TNNI3K: variants seen among roughly 807,000 people sequenced by gnomAD.
TNNI3K encodes the protein TNNI3 interacting kinase.
TNNI3K carries 140 observed loss-of-function variants against 114.5 expected under a neutral mutation model. The observed-to-expected ratio is 1.22, with a 90% CI of 1.07 to 1.41. TNNI3K has a LOEUF of 1.41. TNNI3K is among the 40% of genes most tolerant of loss of function. The pLI is 0.00. For synonymous variants in TNNI3K, 347 were observed against 347.5 expected (o/e 1.00, Z 0.02); for missense variants, 1,125 against 1,007.6 (o/e 1.12, Z -1.58).
intron 23 of TNNI3K, among the ~76,000 whole-genome samples, chr1:74,505,996 G>A (rs931511141): frequency 1.8e-4 from 27 of 152,054 alleles, no homozygotes; most frequent in Non-Finnish European, 2.9e-5. Context: ...ATCACTTTTT[G>A]TTTTTTTGGC....
rs144889249 is a variant in TNNI3K at position 74,486,564 on chromosome 1, G to A, written c.2122-2625G>A. Reference sequence around the variant, plus strand: ...ATGGAGTTTCCATTTACTGAAATGGGAAAGGCTATAAATATAATTAATTGC... The same window carrying A: ...ATGGAGTTTCCATTTACTGAAATGGAAAAGGCTATAAATATAATTAATTGC... On this transcript the variant is annotated intron_variant, in intron 21 of 24. Coordinates refer to ENST00000326637, the MANE Select transcript of TNNI3K (RefSeq NM_015978.3). 9.6e-3 allele frequency among the ~76,000 whole-genome samples: 1,450 copies of A among 150,776 alleles called. 4 individuals carry two copies. The highest frequency in any genetic ancestry group is 0.017 in the Non-Finnish European group (1,123 of 67,842).
intron 4 of TNNI3K, among the ~76,000 whole-genome samples, chr1:74,268,099 C>T (rs771961258): frequency 4.6e-5 from 7 of 151,894 alleles, no homozygotes; most frequent in Non-Finnish European, 1.0e-4. Flanking sequence ...AATATGTAAA[C>T]AATTTGTCAG....
intron 7 of TNNI3K, among the ~76,000 whole-genome samples, chr1:74,341,071 C>A (rs1660724713): frequency 6.6e-6 from 1 of 152,138 alleles, no homozygotes; most frequent in Non-Finnish European, 1.5e-5. Context: ...CTAATTAAGA[C>A]CCTGTCTAGA....
At chr1:74,326,583 A>T (rs950538425) in intron 5 of TNNI3K, among the ~76,000 whole-genome samples, 11 of 152,228 alleles carry the variant, frequency 7.2e-5, no homozygotes, top group Admixed American at 2.0e-4. Context: ...CACTTTATAG[A>T]GACAACTTTG....
intron 17 of TNNI3K, among the ~76,000 whole-genome samples, chr1:74,381,716 A>G (rs1663212466): frequency 6.6e-6 from 1 of 152,262 alleles, no homozygotes; most frequent in Middle Eastern, 3.4e-3. Context: ...CTCCCATTAG[A>G]CAGAAGCAGA....
intron 5 of TNNI3K, among the ~76,000 whole-genome samples, chr1:74,320,734 C>T (rs1659561490): frequency 6.6e-6 from 1 of 151,998 alleles, no homozygotes; most frequent in Non-Finnish European, 1.5e-5. Context: ...ATCTTTGTGT[C>T]CCTTCTTATG....
intron 17 of TNNI3K, among the ~76,000 whole-genome samples, chr1:74,388,702 A>T: frequency 6.6e-6 from 1 of 152,128 alleles, no homozygotes; most frequent in East Asian, 1.9e-4. Context: ...AACAAGGAAA[A>T]CGGTTCTCAT....
intron 5 of TNNI3K, among the ~76,000 whole-genome samples, chr1:74,301,760 G>A (rs776879164): frequency 6.6e-6 from 1 of 152,158 alleles, no homozygotes; most frequent in Non-Finnish European, 1.5e-5. Flanking sequence ...TGAAGGAGGG[G>A]TGCACTATTT....
chr1:74,523,271 T>A (rs1015444000), intron 23 of TNNI3K, among the ~76,000 whole-genome samples: 1 of 152,214 alleles, frequency 6.6e-6, no homozygotes, highest in African/African-American at 2.4e-5. Context: ...AACACATCTA[T>A]AGACATTATC....
At chr1:74,466,800 T>G (rs2100728484) in intron 21 of TNNI3K, among the ~76,000 whole-genome samples, 1 of 152,320 alleles carries the variant, frequency 6.6e-6, no homozygotes, top group Middle Eastern at 3.4e-3. Context: ...GGGCTGTTTT[T>G]CATTCTTTCC....
intron 23 of TNNI3K, among the ~76,000 whole-genome samples, chr1:74,526,821 A>G (rs534867826): frequency 6.6e-6 from 1 of 152,318 alleles, no homozygotes; most frequent in South Asian, 2.1e-4. Flanking sequence ...GACACTCTAA[A>G]GAAGAGATTG....
chr1:74,507,913 G>C (rs1669987268), intron 23 of TNNI3K, among the ~76,000 whole-genome samples: 1 of 152,178 alleles, frequency 6.6e-6, no homozygotes, highest in African/African-American at 2.4e-5. Flanking sequence ...CATTTGCAGA[G>C]TCCCTATATT....
chr1:74,241,039 T>TG (rs1035081161), intron 2 of TNNI3K, among the ~76,000 whole-genome samples: 1 of 152,126 alleles, frequency 6.6e-6, no homozygotes, highest in African/African-American at 2.4e-5. Flanking sequence ...TTTTTGTCCT[T>TG]GCAATAGTTT....
rs1179713662 is a variant in TNNI3K, at chr1:74,396,417, G to A, written c.1772+26025G>A. Among the ~76,000 whole-genome samples, 8 of 152,220 alleles carry A rather than the reference G, an allele frequency of 5.3e-5. No homozygotes were observed. In the East Asian group the frequency reaches 1.5e-3, roughly 29 times the overall value. On this transcript the variant is annotated intron_variant, in intron 17 of 24. Transcript: ENST00000326637. Reference sequence around the variant, plus strand: ...GCACTTCTAAAAAGTACTGAGGTTAGGAATTTTAAAAAGAGAATGAGGCCA... The same window carrying A: ...GCACTTCTAAAAAGTACTGAGGTTAAGAATTTTAAAAAGAGAATGAGGCCA...
chr1:74,363,791 TTTTGTTTTTGTG>T (rs1662105088), intron 11 of TNNI3K, among the ~76,000 whole-genome samples: 1 of 151,710 alleles, frequency 6.6e-6, no homozygotes, highest in African/African-American at 2.4e-5. Context: ...AAGAAAAAGT[TTTTGTTTTTGTG>T]TTTTTCCTGG....
chr1:74,355,024 C>T (rs928925077), intron 11 of TNNI3K, among the ~76,000 whole-genome samples: 1 of 152,096 alleles, frequency 6.6e-6, no homozygotes, highest in Non-Finnish European at 1.5e-5. Flanking sequence ...TATACACATA[C>T]ACTCCTAAGG....
chr1:74,512,244 AG>A (rs1670265574), intron 23 of TNNI3K, among the ~76,000 whole-genome samples: 1 of 152,170 alleles, frequency 6.6e-6, no homozygotes, highest in Admixed American at 6.5e-5. Context: ...ACATGGAGCT[AG>A]GGATAATATG....
At chr1:74,415,123 A>C (rs1665056720) in intron 17 of TNNI3K, among the ~76,000 whole-genome samples, 1 of 152,144 alleles carries the variant, frequency 6.6e-6, no homozygotes, top group South Asian at 2.1e-4. Flanking sequence ...CACTCTAAGC[A>C]TGCCCAATTT....
At chr1:74,365,669 T>G (rs982248151) in intron 11 of TNNI3K, among the ~76,000 whole-genome samples, 1 of 152,054 alleles carries the variant, frequency 6.6e-6, no homozygotes. Flanking sequence ...TTATCTATTC[T>G]CTCTGCCTAT....
Sources: allele counts gnomAD v4.1 joint callset (sites outside exome capture counted in the v4.1 genomes callset), GRCh38; gene constraint gnomAD v4.1.1; transcripts MANE v1.5; gene names NCBI Gene and HGNC (gene_info 2026-07-23, HGNC 2026-07-21).